Variants in IL17RD observed in about 807,000 individuals in gnomAD.
IL17RD encodes interleukin 17 receptor D.
IL17RD carries 52 observed loss-of-function variants against 80.5 expected under a neutral mutation model. That is an observed-to-expected ratio of 0.65 (90% CI 0.52 to 0.81). The LOEUF (loss-of-function observed/expected upper bound fraction) is 0.81. Ranked by LOEUF, IL17RD falls within the 40% of genes least tolerant of loss-of-function variation. The pLI, the probability that IL17RD is intolerant of heterozygous loss-of-function variation, is 0.00. For missense variants in IL17RD, 1,024 were observed against 955.1 expected (o/e 1.07, Z -0.95); for synonymous variants, 416 against 391.8 (o/e 1.06, Z -0.73).
chr3:57,151,657 A>G (rs1559485497), intron 1 of IL17RD, among the ~76,000 whole-genome samples: 1 of 152,170 alleles, frequency 6.6e-6, no homozygotes, highest in African/African-American at 2.4e-5. Context: ...TAGGCCAGGT[A>G]ATTTTTTGTC....
At chr3:57,139,176 T>C (rs989493832) in intron 1 of IL17RD, among the ~76,000 whole-genome samples, 1 of 151,560 alleles carries the variant, frequency 6.6e-6, no homozygotes, top group Admixed American at 6.6e-5. Context: ...TAACAGAAAG[T>C]GTAAAAAAAT....
intron 1 of IL17RD, chr3:57,142,427 T>G (rs1707846090): frequency 1.2e-6 from 1 of 866,138 alleles, no homozygotes; most frequent in African/African-American, 1.7e-5. Flanking sequence ...AAACACTTAT[T>G]GGTTTTTCTT....
At chr3:57,105,703 G>A (rs1706945743) in intron 7 of IL17RD, among the ~76,000 whole-genome samples, 154 bp downstream of exon 7, 1 of 151,716 alleles carries the variant, frequency 6.6e-6, no homozygotes, top group African/African-American at 2.4e-5. Context: ...TGGCAAGATG[G>A]CCCTGAGACA....
At chr3:57,110,074 C>G (rs1707059746) in intron 4 of IL17RD, 119 bp downstream of exon 4, 1 of 1,181,898 alleles carries the variant, frequency 8.5e-7, no homozygotes, top group Non-Finnish European at 1.2e-6. Context: ...TCTTGCCCAC[C>G]TTGGCGGGTG....
chr3:57,101,179 C>T lies in IL17RD; in HGVS notation c.1164G>A (p.Glu388=). The change falls in exon 11 of 13, where the codon GAG becomes GAA. Residue 388 remains glutamate (E), a splice_region_variant and synonymous_variant. Coordinates refer to ENST00000296318, the MANE Select transcript of IL17RD (RefSeq NM_017563.5). ...AYFLQDFCGC[E]VALDLWEDFS... ...GGAGAAGGAACTTTAGATTCCGCAC[C>T]TCACAGCCACAGAAGTCCTGGAGGA... 1 of 1,613,136 alleles carries T rather than the reference C, an allele frequency of 6.2e-7. No homozygotes were observed. The highest frequency in any genetic ancestry group is 1.7e-4 in the Middle Eastern group (1 of 6,050).
chr3:57,141,542 C>T (rs1368487993), intron 1 of IL17RD, among the ~76,000 whole-genome samples: 2 of 152,084 alleles, frequency 1.3e-5, no homozygotes, highest in Non-Finnish European at 2.9e-5. Flanking sequence ...CTGAGCAGAA[C>T]AACTAGTGAT....
chr3:57,168,979 A>T (rs989337440), upstream of IL17RD, among the ~76,000 whole-genome samples: 1 of 152,160 alleles, frequency 6.6e-6, no homozygotes, highest in African/African-American at 2.4e-5. Context: ...CGGACTTCCA[A>T]AATGCTGGGA....
At chr3:57,145,245 G>A (rs1707903058) in intron 1 of IL17RD, among the ~76,000 whole-genome samples, 2 of 152,118 alleles carry the variant, frequency 1.3e-5, no homozygotes, top group African/African-American at 4.8e-5. Flanking sequence ...GATTGATTGG[G>A]CCCTAAAAGC....
intron 1 of IL17RD, among the ~76,000 whole-genome samples, chr3:57,125,394 T>C (rs1707437755): frequency 6.6e-6 from 1 of 150,904 alleles, no homozygotes; most frequent in Non-Finnish European, 1.5e-5. Flanking sequence ...GCAAAAAGAG[T>C]GAGGCTCCAT....
chr3:57,134,353 G>A, intron 1 of IL17RD: 1 of 693,438 alleles, frequency 1.4e-6, no homozygotes, highest in Admixed American at 1.8e-5. Context: ...CGCTGGAAGG[G>A]CAGGCACATG....
intron 1 of IL17RD, among the ~76,000 whole-genome samples, chr3:57,145,651 G>A (rs1707910784): frequency 6.6e-6 from 1 of 152,088 alleles, no homozygotes; most frequent in Admixed American, 6.5e-5. Flanking sequence ...AAAAGAGGTG[G>A]GCAACTCAAT....
chr3:57,105,552 A>AAAAAAAAATAT, intron 7 of IL17RD, among the ~76,000 whole-genome samples: 15 of 63,588 alleles, frequency 2.4e-4, no homozygotes, highest in Non-Finnish European at 3.6e-4. Context: ...AAAAAAAAAA[A>AAAAAAAAATAT]ATATATATAT....
chr3:57,102,652 CTT>C (rs2107470943), intron 9 of IL17RD, 63 bp from the exon 10 acceptor site: 1 of 770,964 alleles, frequency 1.3e-6, no homozygotes, highest in East Asian at 2.7e-5. Context: ...AGAGAAACAA[CTT>C]TTTTTCTTTT....
At chr3:57,123,174 G>A (rs1344760580) in intron 1 of IL17RD, among the ~76,000 whole-genome samples, 1 of 152,152 alleles carries the variant, frequency 6.6e-6, no homozygotes, top group Admixed American at 6.5e-5. Context: ...GCTTACCTGT[G>A]GCATCCATTC....
chr3:57,154,283 T>TATATACACACACACACACACACAC (rs904157398), intron 1 of IL17RD, among the ~76,000 whole-genome samples: 18 of 112,904 alleles, frequency 1.6e-4, no homozygotes, highest in African/African-American at 5.7e-4. Flanking sequence ...TATATATATA[T>TATATACACACACACACACACACAC]ACACACACAC....
rs147376211 is a variant in IL17RD at position 57,135,412 on chromosome 3, G to C, written c.127-15099C>G. Among the ~76,000 whole-genome samples, 63 of 152,232 alleles carry C rather than the reference G, an allele frequency of 4.1e-4. 1 individual carries two copies. The East Asian group carries it at 0.012, about 28-fold the overall frequency. ...GATTCTCAGAGATTCCCTAAGAGTGGGTTTTCAAGTTTCTAGAACTGTAGG... is the reference window on the plus strand; with the variant it reads ...GATTCTCAGAGATTCCCTAAGAGTGCGTTTTCAAGTTTCTAGAACTGTAGG... On this transcript the variant is annotated intron_variant, in intron 1 of 12. Coordinates refer to ENST00000296318, the MANE Select transcript of IL17RD (RefSeq NM_017563.5).
chr3:57,148,447 T>C (rs1296542916), intron 1 of IL17RD, among the ~76,000 whole-genome samples: 3 of 152,220 alleles, frequency 2.0e-5, no homozygotes, highest in African/African-American at 7.2e-5. Flanking sequence ...CCTCCAGTTA[T>C]AAGACCATAG....
chr3:57,144,081 G>A (rs1265228532), intron 1 of IL17RD, among the ~76,000 whole-genome samples: 1 of 152,168 alleles, frequency 6.6e-6, no homozygotes, highest in Non-Finnish European at 1.5e-5. Flanking sequence ...GGCAGAATGA[G>A]GGCAAAGAGC....
intron 1 of IL17RD, among the ~76,000 whole-genome samples, chr3:57,121,004 G>A (rs1579283614): frequency 6.6e-6 from 1 of 152,190 alleles, no homozygotes; most frequent in East Asian, 1.9e-4. Flanking sequence ...CATCCACAGA[G>A]TGAGCCCCGG....
Sources: allele counts gnomAD v4.1 joint callset (sites outside exome capture counted in the v4.1 genomes callset), GRCh38; gene constraint gnomAD v4.1.1; transcripts MANE v1.5; gene names NCBI Gene and HGNC (gene_info 2026-07-23, HGNC 2026-07-21).